Variants in KHDRBS3 observed in about 807,000 individuals in gnomAD.
The protein encoded by KHDRBS3 is KH domain-containing, RNA-binding, signal transduction-associated protein 3.
A neutral mutation model predicts 45.6 loss-of-function variants in KHDRBS3; 23 were observed. That is an observed-to-expected ratio of 0.50 (90% confidence interval 0.36 to 0.72). KHDRBS3 has a LOEUF of 0.72. Among genes scored for constraint, KHDRBS3 ranks in the 30% least tolerant of loss-of-function variants. The pLI, the probability that KHDRBS3 is intolerant of heterozygous loss-of-function variation, is 0.00. For synonymous variants in KHDRBS3, 162 were observed against 156.5 expected, an observed-to-expected ratio of 1.04 and a Z score of -0.26; for missense variants, 352 against 424.8, an observed-to-expected ratio of 0.83 and a Z score of 1.51.
chr8:135,584,946 G>A (rs543743547), intron 6 of KHDRBS3, among the ~76,000 whole-genome samples: 7 of 152,058 alleles, frequency 4.6e-5, no homozygotes, highest in East Asian at 1.9e-4. Flanking sequence ...TGTTGGGCTC[G>A]GCACGATGCT....
chr8:135,590,852 G>A (rs1828710903), intron 6 of KHDRBS3, among the ~76,000 whole-genome samples: 1 of 152,168 alleles, frequency 6.6e-6, no homozygotes, highest in South Asian at 2.1e-4. Flanking sequence ...CTATTCATAG[G>A]AAGTACTTAT....
chr8:135,584,088 C>G (rs1828342801), intron 6 of KHDRBS3, among the ~76,000 whole-genome samples: 3 of 152,120 alleles, frequency 2.0e-5, no homozygotes, highest in African/African-American at 7.2e-5. Context: ...CAGAACCAGA[C>G]AAAGGTTTAA....
At chr8:135,551,930 T>C (rs566585853) in intron 4 of KHDRBS3, among the ~76,000 whole-genome samples, 1 of 152,292 alleles carries the variant, frequency 6.6e-6, no homozygotes, top group Non-Finnish European at 1.5e-5. Flanking sequence ...TAATTATTGA[T>C]TGATCGTTTT....
At chr8:135,648,816 C>T (rs569505367), downstream of KHDRBS3, among the ~76,000 whole-genome samples, 1 of 152,146 alleles carries the variant, frequency 6.6e-6, no homozygotes, top group South Asian at 2.1e-4. Context: ...ATTGGAGGCT[C>T]AGGTCATCCT....
intron 5 of KHDRBS3, among the ~76,000 whole-genome samples, chr8:135,564,335 C>T (rs140792754): frequency 1.2e-4 from 19 of 152,224 alleles, no homozygotes; most frequent in African/African-American, 3.4e-4. Flanking sequence ...TGAGAAGTTA[C>T]GTAGCACCCA....
intron 8 of KHDRBS3, among the ~76,000 whole-genome samples, chr8:135,646,677 C>T (rs1330440812): frequency 6.6e-6 from 1 of 152,142 alleles, no homozygotes; most frequent in Non-Finnish European, 1.5e-5. Context: ...AGGCAGTTCT[C>T]TTTGCTACTT....
intron 1 of KHDRBS3, among the ~76,000 whole-genome samples, chr8:135,520,232 G>A (rs2130647062): frequency 6.6e-6 from 1 of 152,320 alleles, no homozygotes; most frequent in Non-Finnish European, 1.5e-5. Flanking sequence ...TACAGCTGAT[G>A]ACGTCTTTGA....
chr8:135,458,097 A>G (rs1458545127), intron 1 of KHDRBS3, 143 bp downstream of exon 1: 11 of 1,392,188 alleles, frequency 7.9e-6, no homozygotes, highest in Non-Finnish European at 1.0e-5. Context: ...GGTCGTTTGC[A>G]CGGGGACCTG....
chr8:135,622,520 G>T (rs1044048707), intron 7 of KHDRBS3, among the ~76,000 whole-genome samples: 1 of 152,124 alleles, frequency 6.6e-6, no homozygotes, highest in Non-Finnish European at 1.5e-5. Flanking sequence ...AAATCAAAAG[G>T]TATAATTATT....
chr8:135,478,701 G>C (rs1183447275), intron 1 of KHDRBS3, among the ~76,000 whole-genome samples: 1 of 152,024 alleles, frequency 6.6e-6, no homozygotes, highest in Non-Finnish European at 1.5e-5. Context: ...AAAATATGTG[G>C]AAATTAACAA....
chr8:135,459,437 G>GA (rs1255505603), intron 1 of KHDRBS3, among the ~76,000 whole-genome samples: 3 of 152,096 alleles, frequency 2.0e-5, no homozygotes, highest in Admixed American at 6.5e-5. Context: ...CTAAATAAAA[G>GA]AAAAAAAATT....
At chr8:135,557,248 G>GA (rs1201749424) in intron 4 of KHDRBS3, among the ~76,000 whole-genome samples, 200 bp from the exon 5 acceptor site, 4 of 151,948 alleles carry the variant, frequency 2.6e-5, no homozygotes, top group Non-Finnish European at 5.9e-5. Context: ...TTAGCTTGAG[G>GA]AAAAAATGCT....
intron 6 of KHDRBS3, among the ~76,000 whole-genome samples, chr8:135,592,753 C>T (rs1310915002): frequency 2.2e-4 from 2 of 8,998 alleles, no homozygotes; most frequent in South Asian, 0.036. Flanking sequence ...GAGGGGGCTT[C>T]GAACTCTGGT....
intron 1 of KHDRBS3, among the ~76,000 whole-genome samples, chr8:135,476,717 A>C (rs1183224442): frequency 3.3e-5 from 5 of 152,226 alleles, no homozygotes; most frequent in Non-Finnish European, 7.3e-5. Context: ...GTAGAGCAAG[A>C]ACTTCAATTT....
intron 1 of KHDRBS3, among the ~76,000 whole-genome samples, chr8:135,515,458 AT>A (rs1295929573): frequency 2.4e-5 from 3 of 125,280 alleles, no homozygotes; most frequent in Non-Finnish European, 3.4e-5. Context: ...GTCGTTGTTG[AT>A]TTTTTTTTGT....
At chr8:135,580,824 G>A (rs1427640444) in intron 5 of KHDRBS3, among the ~76,000 whole-genome samples, 3 of 152,002 alleles carry the variant, frequency 2.0e-5, no homozygotes, top group Admixed American at 6.6e-5. Context: ...TGTTGACCAG[G>A]CTGGTCTTGA....
At chr8:135,654,907 ATC>A (rs1479593206) in intron 4 of KHDRBS3, among the ~76,000 whole-genome samples, 1 of 152,116 alleles carries the variant, frequency 6.6e-6, no homozygotes, top group East Asian at 1.9e-4. Flanking sequence ...AAGATCTTTT[ATC>A]TCTCTCAGCC....
intron 1 of KHDRBS3, among the ~76,000 whole-genome samples, chr8:135,463,803 G>T (rs1586547422): frequency 6.6e-6 from 1 of 152,266 alleles, no homozygotes; most frequent in East Asian, 1.9e-4. Context: ...CCATTTGCCT[G>T]TTGTCACCAG....
At chr8:135,484,479 C>T (rs761121852) in intron 1 of KHDRBS3, among the ~76,000 whole-genome samples, 1 of 152,250 alleles carries the variant, frequency 6.6e-6, no homozygotes, top group Non-Finnish European at 1.5e-5. Context: ...CCTCCTGAGA[C>T]CTGACCATTG....
Sources: gnomAD v4.1 joint callset for allele counts (sites outside exome capture counted in the v4.1 genomes callset) on GRCh38, gnomAD v4.1.1 for gene constraint, MANE v1.5 for transcripts, NCBI Gene and HGNC (gene_info 2026-07-23, HGNC 2026-07-21) for gene names.